The following GGH variants were observed in gnomAD, a reference collection of about 807,000 sequenced individuals.
GGH encodes gamma-Glu-X carboxypeptidase.
In GGH, 18 loss-of-function variants were observed where a neutral mutation model predicts 39.2. The observed-to-expected ratio is 0.46, with a 90% CI of 0.32 to 0.68. The LOEUF (loss-of-function observed/expected upper bound fraction) is 0.68. Ranked by LOEUF, GGH falls within the 30% of genes least tolerant of loss-of-function variation. The pLI is 0.04. For synonymous variants in GGH, 147 were observed against 138.8 expected, an observed-to-expected ratio of 1.06 and a Z score of -0.42; for missense variants, 367 against 384.1, an observed-to-expected ratio of 0.96 and a Z score of 0.37.
chr8:63,021,617 G>A (rs976043154), intron 7 of GGH, among the ~76,000 whole-genome samples: 1 of 149,282 alleles, frequency 6.7e-6, no homozygotes, highest in African/African-American at 2.5e-5. Flanking sequence ...CAAGCCATAA[G>A]TGGACAGGAC....
chr8:63,035,826 A>C (rs1457264893), intron 1 of GGH, 56 bp from the exon 2 acceptor site: 1 of 1,404,260 alleles, frequency 7.1e-7, no homozygotes, highest in Non-Finnish European at 1.0e-6. Context: ...TTGCTCAGAA[A>C]CTGAAATATA....
At chr8:63,020,734 CA>C (rs1804570242) in intron 7 of GGH, among the ~76,000 whole-genome samples, 1 of 152,110 alleles carries the variant, frequency 6.6e-6, no homozygotes, top group African/African-American at 2.4e-5. Context: ...ACAGGTCGTG[CA>C]GGGTACAAGC....
At chr8:63,035,074 T>G (rs564791216) in intron 2 of GGH, among the ~76,000 whole-genome samples, 2 of 151,948 alleles carry the variant, frequency 1.3e-5, no homozygotes, top group East Asian at 1.9e-4. Flanking sequence ...ACCTTCATAG[T>G]GTCTGTGAGA....
intron 1 of GGH, among the ~76,000 whole-genome samples, chr8:63,037,612 T>C (rs1466075850): frequency 1.3e-5 from 2 of 152,222 alleles, no homozygotes; most frequent in Non-Finnish European, 2.9e-5. Flanking sequence ...AACGATGTTG[T>C]GCTGATCTCA....
At chr8:63,026,336 CTT>C (rs750760043) in intron 4 of GGH, 40 bp from the exon 5 acceptor site, 124 of 1,533,894 alleles carry the variant, frequency 8.1e-5, no homozygotes, top group Non-Finnish European at 1.1e-4. Flanking sequence ...TTTATTCAAA[CTT>C]TTCAAAATAA....
intron 2 of GGH, among the ~76,000 whole-genome samples, chr8:63,032,719 T>C (rs954148065): frequency 6.6e-6 from 1 of 152,172 alleles, no homozygotes; most frequent in African/African-American, 2.4e-5. Context: ...CCCATATGTA[T>C]TACACTGTTT....
Position 63,026,176 on chromosome 8 carries a change from G to A in GGH, c.481C>T (p.Pro161Ser), listed in dbSNP as rs781250938. 5.0e-6 allele frequency: 8 copies of A among 1,601,408 alleles called. No individual in the cohort carries two copies. The East Asian group carries it at 1.6e-4, about 32-fold the overall frequency. The change falls in exon 5 of 9, where the codon CCG becomes TCG. Residue 161 changes from proline to serine, a missense_variant. By Grantham distance (74) the Pro-to-Ser change is moderately conservative. Coordinates refer to ENST00000260118, the MANE Select transcript of GGH (RefSeq NM_003878.3). ...CTCTTACCTCCAGTGAAGTTCAGCG[G>A]CATTGCCACGTCAACAGTATCTGTG... is the stretch of plus-strand genomic sequence containing the variant. ...TATDTVDVAMPLNFTGGQLHS... is the reference protein window; with the variant it reads ...TATDTVDVAMSLNFTGGQLHS...
chr8:63,015,401 C>CA lies in GGH; in HGVS notation c.887dup (p.Leu296PhefsTer23). On this transcript the variant is annotated frameshift_variant, in exon 9 of 9. Coordinates refer to ENST00000260118, the MANE Select transcript of GGH (RefSeq NM_003878.3). LOFTEE classifies it high-confidence loss of function. ...TATAAATTGGACTGAACTGATAAAT[C>CA]AATGCTTTCTCCTCTTCAGATTCAG... 1 of 1,459,998 alleles carries CA rather than the reference C, an allele frequency of 6.8e-7. No homozygotes were observed. 90.4% of individuals were successfully genotyped at this position (1,459,998 alleles called of 1,614,324 possible). A position where few individuals can be genotyped will look rare whatever the true frequency, so the allele number is the denominator to read the frequency against.
chr8:63,015,460 G>GA lies in GGH; in HGVS notation c.836-8dup. The GA allele has an allele frequency of 9.2e-6, 14 of 1,515,112 alleles. No individual in the cohort carries two copies. The highest frequency in any genetic ancestry group is 1.2e-5 in the South Asian group (1 of 81,708). 93.9% of individuals were successfully genotyped at this position (1,515,112 alleles called of 1,614,324 possible). On this transcript the variant is annotated splice_region_variant and splice_polypyrimidine_tract_variant and intron_variant, in intron 8 of 8. Transcript: ENST00000260118. ...TGATGGTTGTTTTTCCGAGCTGCAA[G>GA]AAAAAAAGTTAATTTTTAAAAAGAT...
intron 7 of GGH, among the ~76,000 whole-genome samples, chr8:63,020,895 G>C (rs866889150): frequency 6.6e-6 from 1 of 152,158 alleles, no homozygotes; most frequent in African/African-American, 2.4e-5. Context: ...CTGGAAGATG[G>C]GTTTGTGGAA....
rs115422267 is a variant in GGH, at chr8:63,037,267, G to C, written c.109+1393C>G. On this transcript the variant is annotated intron_variant, in intron 1 of 8. Transcript: ENST00000260118. ...TAAGGAATAACAAAGTTTGGCTAGGGAACGAAGAACTAGGAGTGTCATAGG... is the reference window on the plus strand; with the variant it reads ...TAAGGAATAACAAAGTTTGGCTAGGCAACGAAGAACTAGGAGTGTCATAGG... Among the ~76,000 whole-genome samples, 1,302 of 152,238 alleles carry C rather than the reference G, an allele frequency of 8.6e-3. 20 individuals are homozygous for C. The highest frequency in any genetic ancestry group is 0.029 in the African/African-American group (1,200 of 41,546).
chr8:63,022,438 T>C (rs550846161), intron 7 of GGH, among the ~76,000 whole-genome samples: 3 of 152,190 alleles, frequency 2.0e-5, no homozygotes, highest in Non-Finnish European at 4.4e-5. Context: ...TGTCTGGGTA[T>C]GTTGGATTCT....
intron 5 of GGH, chr8:63,024,892 C>G (rs1804656378): frequency 6.6e-6 from 1 of 152,214 alleles, no homozygotes; most frequent in Non-Finnish European, 1.5e-5. Context: ...CCAAAGTACT[C>G]TGACCTAATA....
At chr8:63,028,783 C>T (rs1804747682) in intron 3 of GGH, among the ~76,000 whole-genome samples, 2 of 152,150 alleles carry the variant, frequency 1.3e-5, no homozygotes, top group Admixed American at 1.3e-4. Flanking sequence ...TCTGGACAGG[C>T]TAGCTCCCCA....
At chr8:63,030,465 A>G (rs1209659398) in intron 2 of GGH, among the ~76,000 whole-genome samples, 4 of 152,240 alleles carry the variant, frequency 2.6e-5, no homozygotes, top group Non-Finnish European at 5.9e-5. Context: ...ATTGTGAAGT[A>G]TGTGTTAGTA....
chr8:63,036,474 G>A (rs949244276), intron 1 of GGH, among the ~76,000 whole-genome samples: 1 of 152,152 alleles, frequency 6.6e-6, no homozygotes, highest in African/African-American at 2.4e-5. Flanking sequence ...GTAGCAGGGA[G>A]GGGAAAGAGG....
intron 7 of GGH, 186 bp downstream of exon 7, chr8:63,023,721 A>C: frequency 2.6e-6 from 1 of 381,364 alleles, no homozygotes; most frequent in Non-Finnish European, 4.7e-6. Context: ...CACCCCATTC[A>C]GGAAAATACC....
intron 7 of GGH, among the ~76,000 whole-genome samples, chr8:63,020,298 C>G (rs1804564029): frequency 6.6e-6 from 1 of 152,112 alleles, no homozygotes. Flanking sequence ...TTCAAATGAG[C>G]CTGGTATGGC....
intron 7 of GGH, among the ~76,000 whole-genome samples, chr8:63,021,059 A>T (rs553020677): frequency 6.6e-6 from 1 of 152,172 alleles, no homozygotes; most frequent in Non-Finnish European, 1.5e-5. Context: ...AAGGACTCTC[A>T]TAATTATTCA....
Sources: allele counts gnomAD v4.1 joint callset (sites outside exome capture counted in the v4.1 genomes callset), GRCh38; gene constraint gnomAD v4.1.1; transcripts MANE v1.5; gene names NCBI Gene and HGNC (gene_info 2026-07-23, HGNC 2026-07-21).